Variants in ZFP69B observed in about 807,000 individuals in gnomAD.
The protein encoded by ZFP69B is ZFP69 zinc finger protein B, also known as zinc finger protein 69 homolog B.
ZFP69B carries 20 observed loss-of-function variants against 19.7 expected under a neutral mutation model. The ratio of observed to expected loss-of-function variants is 1.02; its 90% CI spans 0.71 to 1.48. The LOEUF (loss-of-function observed/expected upper bound fraction) is 1.48, where lower values mean the gene tolerates loss of function less well. Among genes scored for constraint, ZFP69B ranks in the 40% most tolerant of loss-of-function variants. The probability of loss-of-function intolerance (pLI) is 0.00; values close to 1 mark genes in which losing one functional copy is unlikely to be tolerated. For missense variants in ZFP69B, 583 were observed against 632.6 expected (o/e 0.92, Z 0.84); for synonymous variants, 220 against 222.7 (o/e 0.99, Z 0.11).
In ZFP69B at chr1:40,457,005, G is replaced by A. The variant is rs1292126885; in HGVS notation, c.274G>A (p.Ala92Thr). 1 of 1,613,936 alleles carries A rather than the reference G, an allele frequency of 6.2e-7. No homozygotes were observed. The highest frequency in any genetic ancestry group is 1.7e-5 in the Admixed American group (1 of 60,000). Reference sequence around the variant, plus strand: ...CACTCAGGAGGAGTGGGGGCAGCTGGCCCCTGCTCACCGGAATCTGTACCG... The same window carrying A: ...CACTCAGGAGGAGTGGGGGCAGCTGACCCCTGCTCACCGGAATCTGTACCG... ...DFTQEEWGQL[A>T]PAHRNLYREV... The change falls in exon 3 of 5, where the codon GCC (alanine) becomes ACC (threonine). Residue 92 changes from alanine to threonine, a missense_variant. Physicochemically the swap from Ala to Thr is moderately conservative, Grantham distance 58. Coordinates refer to ENST00000361584, the MANE Select transcript of ZFP69B (RefSeq NM_023070.3).
At chr1:40,450,298 T>TG (rs564875293), upstream of ZFP69B, 4 of 152,342 alleles carry the variant, frequency 2.6e-5, no homozygotes, top group African/African-American at 9.6e-5. Context: ...AGACAAAGGC[T>TG]GGGAGGCTAG....
chr1:40,463,675 T>A lies in ZFP69B; in HGVS notation c.*86T>A. ...GATCCCTCAAAAATCCATTTGTTTT[T>A]GGATTTCCAAAAACGAACATTAAAA... On this transcript the variant is annotated 3_prime_UTR_variant, in exon 5 of 5. Coordinates refer to ENST00000361584, the MANE Select transcript of ZFP69B (RefSeq NM_023070.3). 1 of 1,305,356 alleles carries A rather than the reference T, an allele frequency of 7.7e-7. No homozygotes were observed. The highest frequency in any genetic ancestry group is 1.0e-6 in the Non-Finnish European group (1 of 963,372). 80.9% of individuals were successfully genotyped at this position (1,305,356 alleles called of 1,614,324 possible). A position where few individuals can be genotyped will look rare whatever the true frequency, so the allele number is the denominator to read the frequency against.
chr1:40,456,558 A>G (rs183593660), intron 2 of ZFP69B, among the ~76,000 whole-genome samples: 124 of 152,260 alleles, frequency 8.1e-4, no homozygotes, highest in Non-Finnish European at 1.6e-3. Context: ...TACCCATGCT[A>G]AAGTATTCCT....
intron 1 of ZFP69B, among the ~76,000 whole-genome samples, chr1:40,451,738 A>G (rs1301473851): frequency 6.6e-6 from 1 of 152,258 alleles, no homozygotes; most frequent in Admixed American, 6.5e-5. Flanking sequence ...TATGGGAATG[A>G]ATGTGCATTT....
rs1338335808 is a variant in ZFP69B, at chr1:40,462,559, GT to G, written c.576del (p.Cys192Ter). The G allele has an allele frequency of 3.7e-6, 6 of 1,614,004 alleles. No individual in the cohort carries two copies. The highest frequency in any genetic ancestry group is 5.1e-6 in the Non-Finnish European group (6 of 1,180,022). ...TCCACCTTGGGAAGAATCTCCAAAT[GT>G]AATAAGCTAGAAAGCCAACAAGAGA... The part of the protein sequence containing the change: ...MYSTLGRISK[C>X]NKLESQQENQ... On this transcript the variant is annotated frameshift_variant, in exon 5 of 5. Transcript: ENST00000361584. LOFTEE classifies it low-confidence loss of function (END_TRUNC).
chr1:40,462,507 A>C lies in ZFP69B; in HGVS notation c.523A>C (p.Arg175=), dbSNP rs1461510455. ...ACTACATTGTGGCCTAATGATGGAA[A>C]GATTTACAAAAGGAAGCAGCATGTA... ...EELHCGLMME[R]FTKGSSMYST... Residue 175 remains arginine, a synonymous_variant, in exon 5 of 5, where the codon AGA becomes CGA. Coordinates refer to ENST00000361584, the MANE Select transcript of ZFP69B (RefSeq NM_023070.3). The C allele has an allele frequency of 1.2e-6, 2 of 1,614,006 alleles. No individual in the cohort carries two copies. Among genetic ancestry groups the C allele is most frequent in the Admixed American group, 1.7e-5 (1 of 60,000 alleles).
At chr1:40,458,341 GTT>G (rs1336755650) in intron 4 of ZFP69B, among the ~76,000 whole-genome samples, 1 of 151,842 alleles carries the variant, frequency 6.6e-6, no homozygotes, top group Non-Finnish European at 1.5e-5. Context: ...CTTTTTCAGT[GTT>G]TCTCATCAGT....
rs754482617 is a variant in ZFP69B at position 40,462,966 on chromosome 1, A to G, written c.982A>G (p.Ile328Val). ...TTCATCTCTTATTCCGCATCAGAGA[A>G]TTCATACTGGTGAGAAACCCTATGA... Reference protein sequence around the residue: ...QSSSLIPHQRIHTGEKPYECK... With the variant: ...QSSSLIPHQRVHTGEKPYECK... Residue 328 changes from isoleucine (I) to valine (V), a missense_variant, in exon 5 of 5, where the codon ATT becomes GTT. Transcript: ENST00000361584. 2 of 1,614,064 alleles carry G rather than the reference A, an allele frequency of 1.2e-6. No homozygotes were observed. Among genetic ancestry groups the G allele is most frequent in the Admixed American group, 1.7e-5 (1 of 60,016 alleles).
At chr1:40,455,784 G>A (rs1254319827) in intron 2 of ZFP69B, among the ~76,000 whole-genome samples, 1 of 152,100 alleles carries the variant, frequency 6.6e-6, no homozygotes, top group Non-Finnish European at 1.5e-5. Flanking sequence ...AGGCCCTGGT[G>A]TGTGATGTTC....
chr1:40,454,127 G>T, intron 1 of ZFP69B, 76 bp from the exon 2 acceptor site: 1 of 1,161,480 alleles, frequency 8.6e-7, no homozygotes, highest in South Asian at 1.9e-5. Context: ...AAGCCACAAT[G>T]AGTGGGTCTG....
At chr1:40,456,482 C>A (rs1246719127) in intron 2 of ZFP69B, among the ~76,000 whole-genome samples, 1 of 152,088 alleles carries the variant, frequency 6.6e-6, no homozygotes, top group Non-Finnish European at 1.5e-5. Context: ...ATTCATGCTC[C>A]CTCCAAAAAT....
intron 1 of ZFP69B, 29 bp from the exon 2 acceptor site, chr1:40,454,174 C>CAA (rs1351188888): frequency 6.5e-7 from 1 of 1,546,760 alleles, no homozygotes; most frequent in Non-Finnish European, 8.7e-7. Flanking sequence ...TGGGGAGATG[C>CAA]AAACCTCATG....
chr1:40,458,056 C>T (rs1645250219), intron 4 of ZFP69B, among the ~76,000 whole-genome samples: 1 of 152,160 alleles, frequency 6.6e-6, no homozygotes. Flanking sequence ...CCTGGGTTCT[C>T]TGTGAATGAT....
chr1:40,461,718 C>A (rs1279269181), intron 4 of ZFP69B, among the ~76,000 whole-genome samples: 1 of 152,004 alleles, frequency 6.6e-6, no homozygotes, highest in East Asian at 1.9e-4. Flanking sequence ...TTGCTTGAGC[C>A]CAGTAGGTTG....
intron 3 of ZFP69B, 70 bp from the exon 4 acceptor site, chr1:40,457,274 G>T (rs767800087): frequency 2.6e-6 from 4 of 1,561,526 alleles, no homozygotes; most frequent in Admixed American, 3.4e-5. Context: ...GAATACCAAA[G>T]AACCATATTT....
At chr1:40,460,632 G>A (rs559210333) in intron 4 of ZFP69B, among the ~76,000 whole-genome samples, 92 of 151,510 alleles carry the variant, frequency 6.1e-4, no homozygotes, top group South Asian at 3.1e-3. Context: ...ATCACTTGAG[G>A]TCAGGAGTTC....
intron 1 of ZFP69B, among the ~76,000 whole-genome samples, 163 bp downstream of exon 1, chr1:40,451,251 G>A (rs909644263): frequency 5.3e-5 from 8 of 152,056 alleles, no homozygotes; most frequent in Admixed American, 5.2e-4. Context: ...AAGTAGTGGT[G>A]GTCTTTTCAG....
intron 4 of ZFP69B, 62 bp from the exon 5 acceptor site, chr1:40,462,359 C>A: frequency 1.4e-6 from 2 of 1,457,606 alleles, no homozygotes; most frequent in South Asian, 2.8e-5. Context: ...CCATTCTCAC[C>A]GTGGCAATTA....
chr1:40,455,262 G>A (rs1480978273), intron 2 of ZFP69B, among the ~76,000 whole-genome samples: 1 of 152,114 alleles, frequency 6.6e-6, no homozygotes, highest in Non-Finnish European at 1.5e-5. Context: ...AGAGGCATAG[G>A]GAAACTCAAG....
Sources: allele counts gnomAD v4.1 joint callset (sites outside exome capture counted in the v4.1 genomes callset), GRCh38; gene constraint gnomAD v4.1.1; transcripts MANE v1.5; gene names NCBI Gene and HGNC (gene_info 2026-07-23, HGNC 2026-07-21).